The following PTPRD variants were observed in gnomAD, a reference collection of about 807,000 sequenced individuals.
The protein encoded by PTPRD is protein tyrosine phosphatase receptor type D.
Under a neutral mutation model 214.5 loss-of-function variants are expected in PTPRD, and 34 were observed. The ratio of observed to expected loss-of-function variants is 0.16; its 90% confidence interval spans 0.12 to 0.21. The LOEUF is 0.21. PTPRD is among the 10% of genes least tolerant of loss of function. PTPRD has a pLI of 1.00. For missense variants in PTPRD, 2,545 were observed against 2,398.7 expected, an observed-to-expected ratio of 1.06 and a Z score of -1.27; for synonymous variants, 1,128 against 845.7, an observed-to-expected ratio of 1.33 and a Z score of -5.79.
chr9:9,240,800 G>T (rs1003822077), intron 9 of PTPRD, among the ~76,000 whole-genome samples: 1 of 152,026 alleles, frequency 6.6e-6, no homozygotes, highest in African/African-American at 2.4e-5. Context: ...AATATTTTAT[G>T]CCACAGAAAC....
intron 12 of PTPRD, among the ~76,000 whole-genome samples, chr9:8,722,976 T>C (rs2098517795): frequency 6.6e-6 from 1 of 152,202 alleles, no homozygotes; most frequent in Non-Finnish European, 1.5e-5. Flanking sequence ...AAACCTTCAA[T>C]GCACTATTTG....
At chr9:9,321,225 C>T (rs1226555721) in intron 9 of PTPRD, among the ~76,000 whole-genome samples, 1 of 152,132 alleles carries the variant, frequency 6.6e-6, no homozygotes, top group Non-Finnish European at 1.5e-5. Flanking sequence ...GCCCTAAAGA[C>T]ATTTAAAAGT....
At chr9:8,489,397 G>C (rs909792741) in intron 27 of PTPRD, among the ~76,000 whole-genome samples, 1 of 152,162 alleles carries the variant, frequency 6.6e-6, no homozygotes, top group Admixed American at 6.5e-5. Flanking sequence ...GAGGATCTCA[G>C]TCTGCTCTCT....
At chr9:10,149,640 G>C (rs966801870) in intron 3 of PTPRD, among the ~76,000 whole-genome samples, 2 of 151,982 alleles carry the variant, frequency 1.3e-5, no homozygotes, top group Non-Finnish European at 2.9e-5. Flanking sequence ...CAGCCAGAAT[G>C]AATAGATTAT....
At chr9:8,318,075 C>G (rs1587225056) in intron 45 of PTPRD, 133 bp from the exon 46 acceptor site, 1 of 719,296 alleles carries the variant, frequency 1.4e-6, no homozygotes, top group African/African-American at 1.8e-5. Flanking sequence ...GTCAACTGGT[C>G]TAATCCAATG....
chr9:9,875,104 A>T (rs1210330146), intron 5 of PTPRD, among the ~76,000 whole-genome samples: 1 of 152,056 alleles, frequency 6.6e-6, no homozygotes, highest in Admixed American at 6.6e-5. Flanking sequence ...GTAATTCTTA[A>T]ATATTTAGTT....
intron 3 of PTPRD, among the ~76,000 whole-genome samples, chr9:10,088,340 GC>G (rs2098382718): frequency 6.6e-6 from 1 of 151,702 alleles, no homozygotes; most frequent in African/African-American, 2.4e-5. Context: ...AACTGAATAT[GC>G]CTCTATTAGA....
At chr9:9,167,361 AT>A (rs1424605880) in intron 10 of PTPRD, among the ~76,000 whole-genome samples, 1 of 136,974 alleles carries the variant, frequency 7.3e-6, no homozygotes, top group Non-Finnish European at 1.6e-5. Context: ...TGTGTGTGTG[AT>A]TTTTCGATTT....
intron 11 of PTPRD, among the ~76,000 whole-genome samples, chr9:8,746,305 A>G (rs1565747707): frequency 6.6e-6 from 1 of 152,132 alleles, no homozygotes; most frequent in Non-Finnish European, 1.5e-5. Flanking sequence ...CACAATGGTT[A>G]TTTTTCAAAA....
At chr9:8,434,079 T>C (rs2095236431) in intron 35 of PTPRD, among the ~76,000 whole-genome samples, 1 of 152,098 alleles carries the variant, frequency 6.6e-6, no homozygotes, top group Non-Finnish European at 1.5e-5. Context: ...GCCTCCCAGG[T>C]TCAAGCGATT....
At chr9:9,917,300 CT>C (rs1380106423) in intron 5 of PTPRD, among the ~76,000 whole-genome samples, 1 of 28,386 alleles carries the variant, frequency 3.5e-5, no homozygotes, top group Non-Finnish European at 6.4e-5. Context: ...ATTAGCTAGA[CT>C]GAAAAAAAAA....
At chr9:9,886,154 A>C (rs910851405) in intron 5 of PTPRD, among the ~76,000 whole-genome samples, 1 of 152,090 alleles carries the variant, frequency 6.6e-6, no homozygotes, top group African/African-American at 2.4e-5. Context: ...TATAGCCAAG[A>C]GACATCAGAG....
At chr9:9,148,613 A>G (rs1437979895) in intron 10 of PTPRD, among the ~76,000 whole-genome samples, 3 of 152,190 alleles carry the variant, frequency 2.0e-5, no homozygotes, top group Non-Finnish European at 2.9e-5. Context: ...AGGACAGATG[A>G]GGATGAAAGG....
At chr9:9,926,370 G>C (rs2084308795) in intron 5 of PTPRD, among the ~76,000 whole-genome samples, 1 of 152,098 alleles carries the variant, frequency 6.6e-6, no homozygotes, top group African/African-American at 2.4e-5. Flanking sequence ...CAAATTTTTA[G>C]TTGTATTTGC....
intron 9 of PTPRD, among the ~76,000 whole-genome samples, chr9:9,234,296 G>A (rs2099965132): frequency 6.6e-6 from 1 of 152,200 alleles, no homozygotes; most frequent in African/African-American, 2.4e-5. Context: ...AGCTGGAGCT[G>A]AAGCAACTGG....
intron 42 of PTPRD, among the ~76,000 whole-genome samples, chr9:8,339,780 A>G (rs1009906505): frequency 2.0e-5 from 3 of 151,940 alleles, no homozygotes; most frequent in African/African-American, 7.2e-5. Context: ...ATAGTGGTAG[A>G]GCAGTATTAA....
chr9:8,917,052 TTC>T (rs1491261204), intron 11 of PTPRD, among the ~76,000 whole-genome samples: 2 of 148,796 alleles, frequency 1.3e-5, no homozygotes, highest in African/African-American at 5.1e-5. Flanking sequence ...GACATTTTCT[TTC>T]TTTTTTTTTT....
intron 14 of PTPRD, among the ~76,000 whole-genome samples, chr9:8,631,180 A>G (rs1045405316): frequency 1.3e-5 from 2 of 151,942 alleles, no homozygotes; most frequent in African/African-American, 4.8e-5. Context: ...AGTGCATATT[A>G]CAGCACATAT....
intron 9 of PTPRD, among the ~76,000 whole-genome samples, chr9:9,396,853 T>C (rs2068030860): frequency 6.6e-6 from 1 of 151,986 alleles, no homozygotes; most frequent in Non-Finnish European, 1.5e-5. Context: ...AAAATACCAG[T>C]TTACCAGTAC....
Sources: gnomAD v4.1 joint callset for allele counts (sites outside exome capture counted in the v4.1 genomes callset) on GRCh38, gnomAD v4.1.1 for gene constraint, MANE v1.5 for transcripts, NCBI Gene and HGNC (gene_info 2026-07-23, HGNC 2026-07-21) for gene names.